The following ROBO1 variants were observed in gnomAD, a reference collection of about 807,000 sequenced individuals.
ROBO1 encodes roundabout homolog 1.
ROBO1 carries 149 observed loss-of-function variants against 195.9 expected under a neutral mutation model. The ratio of observed to expected loss-of-function variants is 0.76; its 90% CI spans 0.67 to 0.87. The LOEUF (loss-of-function observed/expected upper bound fraction) is 0.87. Ranked by LOEUF, ROBO1 falls within the 40% of genes least tolerant of loss-of-function variation. The pLI is 0.00. For synonymous variants in ROBO1, 816 were observed against 733.2 expected, an observed-to-expected ratio of 1.11 and a Z score of -1.82; for missense variants, 1,933 against 2,068.3, an observed-to-expected ratio of 0.93 and a Z score of 1.27.
intron 2 of ROBO1, among the ~76,000 whole-genome samples, chr3:79,546,623 T>C (rs1942273585): frequency 6.6e-6 from 1 of 152,174 alleles, no homozygotes; most frequent in Non-Finnish European, 1.5e-5. Context: ...TGGCAACTTC[T>C]CTTTGAAAGC....
At chr3:79,502,008 T>C (rs1288310139) in intron 2 of ROBO1, among the ~76,000 whole-genome samples, 1 of 152,202 alleles carries the variant, frequency 6.6e-6, no homozygotes, top group Non-Finnish European at 1.5e-5. Flanking sequence ...TATATCGGTG[T>C]AGAGAAAGCT....
intron 1 of ROBO1, among the ~76,000 whole-genome samples, chr3:79,661,619 C>T (rs1347946906): frequency 6.6e-6 from 1 of 151,772 alleles, no homozygotes; most frequent in Non-Finnish European, 1.5e-5. Flanking sequence ...TTCCTGCCTC[C>T]CTCTATCCCT....
chr3:79,505,224 TTC>T (rs1940326233), intron 2 of ROBO1, among the ~76,000 whole-genome samples: 1 of 152,042 alleles, frequency 6.6e-6, no homozygotes, highest in Non-Finnish European at 1.5e-5. Context: ...TATTTTTTTT[TTC>T]TTAAATTGAC....
chr3:78,996,713 C>T (rs1046358787), intron 3 of ROBO1, among the ~76,000 whole-genome samples: 1 of 151,904 alleles, frequency 6.6e-6, no homozygotes, highest in Non-Finnish European at 1.5e-5. Flanking sequence ...TACACACACA[C>T]AAACACACAC....
At chr3:79,369,096 T>G (rs1418347033) in intron 2 of ROBO1, among the ~76,000 whole-genome samples, 2 of 152,126 alleles carry the variant, frequency 1.3e-5, no homozygotes, top group African/African-American at 4.8e-5. Flanking sequence ...TGGGGCAATC[T>G]AAATAGTGGG....
At chr3:78,730,073 G>T (rs1259049907) in intron 5 of ROBO1, among the ~76,000 whole-genome samples, 33 of 152,168 alleles carry the variant, frequency 2.2e-4, no homozygotes, top group Non-Finnish European at 7.4e-5. Context: ...AGGGAATTAT[G>T]ACTATACTCT....
chr3:79,640,326 C>CTG (rs1945619475), intron 1 of ROBO1, among the ~76,000 whole-genome samples: 1 of 151,992 alleles, frequency 6.6e-6, no homozygotes, highest in African/African-American at 2.4e-5. Context: ...AAAAATTTTC[C>CTG]TCTCTCTCTT....
intron 4 of ROBO1, among the ~76,000 whole-genome samples, chr3:78,748,346 G>A (rs1393257850): frequency 2.0e-5 from 3 of 152,084 alleles, no homozygotes; most frequent in Admixed American, 6.6e-5. Context: ...TCCGGAGGCT[G>A]AGGCAGGAGA....
chr3:78,631,526 A>T (rs1705187914), intron 24 of ROBO1, among the ~76,000 whole-genome samples: 2 of 152,198 alleles, frequency 1.3e-5, no homozygotes, highest in Admixed American at 6.5e-5. Flanking sequence ...CAATAAAACC[A>T]TGAATGAATG....
intron 21 of ROBO1, among the ~76,000 whole-genome samples, chr3:78,644,740 T>C (rs1320971997): frequency 6.6e-6 from 1 of 152,182 alleles, no homozygotes; most frequent in African/African-American, 2.4e-5. Context: ...GTTTGCTCTA[T>C]CCAGGTTGTA....
chr3:79,042,630 G>A (rs2078510064), intron 3 of ROBO1, among the ~76,000 whole-genome samples: 1 of 152,110 alleles, frequency 6.6e-6, no homozygotes. Flanking sequence ...AGAGTTTCAA[G>A]CATACATTTT....
chr3:78,776,665 A>G (rs985067359), intron 4 of ROBO1, among the ~76,000 whole-genome samples: 4 of 152,234 alleles, frequency 2.6e-5, no homozygotes, highest in African/African-American at 9.6e-5. Flanking sequence ...TCACTAAGTA[A>G]AATTCCTATG....
At chr3:78,617,534 A>T in intron 27 of ROBO1, 101 bp downstream of exon 27, 2 of 1,223,372 alleles carry the variant, frequency 1.6e-6, no homozygotes, top group African/African-American at 1.5e-5. Context: ...GTAAGAATAG[A>T]TGCTTTTCAA....
chr3:79,736,124 C>A (rs955673453), intron 1 of ROBO1, among the ~76,000 whole-genome samples: 2 of 152,148 alleles, frequency 1.3e-5, no homozygotes, highest in African/African-American at 4.8e-5. Flanking sequence ...CAATGACATC[C>A]TCTCTGAGAT....
At chr3:78,666,373 T>G (rs1461247294) in intron 14 of ROBO1, among the ~76,000 whole-genome samples, 1 of 152,242 alleles carries the variant, frequency 6.6e-6, no homozygotes, top group Non-Finnish European at 1.5e-5. Flanking sequence ...GCTAACTTAC[T>G]GCTCACTTAC....
chr3:79,756,771 C>T (rs1283373209), intron 1 of ROBO1, among the ~76,000 whole-genome samples: 4 of 152,006 alleles, frequency 2.6e-5, no homozygotes, highest in African/African-American at 9.7e-5. Context: ...TTTCATCATC[C>T]CAAACTGAAA....
intron 2 of ROBO1, among the ~76,000 whole-genome samples, chr3:79,262,481 T>C (rs1485493912): frequency 6.6e-6 from 1 of 152,256 alleles, no homozygotes; most frequent in Non-Finnish European, 1.5e-5. Flanking sequence ...TTTGTTGTTT[T>C]AAGACTTTTG....
intron 11 of ROBO1, among the ~76,000 whole-genome samples, 170 bp from the exon 12 acceptor site, chr3:78,668,735 A>G (rs1327021615): frequency 6.6e-6 from 1 of 152,178 alleles, no homozygotes; most frequent in South Asian, 2.1e-4. Context: ...GAAGGAAAAT[A>G]TTACATCAAT....
chr3:78,973,696 G>C (rs1054095517), intron 3 of ROBO1, among the ~76,000 whole-genome samples: 1 of 150,350 alleles, frequency 6.7e-6, no homozygotes, highest in Admixed American at 6.7e-5. Context: ...AATAAATTCT[G>C]GCATACTTTT....
Sources: allele counts gnomAD v4.1 joint callset (sites outside exome capture counted in the v4.1 genomes callset), GRCh38; gene constraint gnomAD v4.1.1; transcripts MANE v1.5; gene names NCBI Gene and HGNC (gene_info 2026-07-23, HGNC 2026-07-21).